The following CIAO2A variants were observed in gnomAD, a reference collection of about 807,000 sequenced individuals.
CIAO2A encodes MIP18 family protein FAM96A.
Under a neutral mutation model 22.4 loss-of-function variants are expected in CIAO2A, and 17 were observed. That is an observed-to-expected ratio of 0.76 (90% CI 0.52 to 1.14). The LOEUF is 1.14. Among genes scored for constraint, CIAO2A ranks in the 50% most tolerant of loss-of-function variants. The probability of loss-of-function intolerance (pLI) is 0.00; values close to 1 mark genes in which losing one functional copy is unlikely to be tolerated. For missense variants in CIAO2A, 192 were observed against 191.4 expected (o/e 1.00, Z -0.02); for synonymous variants, 74 against 72.3 (o/e 1.02, Z -0.12).
At chr15:64,075,310 C>A in intron 4 of CIAO2A, 182 bp downstream of exon 4, 1 of 514,218 alleles carries the variant, frequency 1.9e-6, no homozygotes, top group South Asian at 2.7e-5. Flanking sequence ...CACTCGGAGT[C>A]CACTGCAAAA....
intron 4 of CIAO2A, chr15:64,074,261 G>A (rs889963497): frequency 6.6e-6 from 1 of 152,164 alleles, no homozygotes; most frequent in Non-Finnish European, 1.5e-5. Flanking sequence ...GTCTCATGTA[G>A]AAGACACACA....
intron 2 of CIAO2A, among the ~76,000 whole-genome samples, chr15:64,086,026 T>G (rs893562677): frequency 6.6e-6 from 1 of 151,862 alleles, no homozygotes; most frequent in Non-Finnish European, 1.5e-5. Context: ...TCATAATAGC[T>G]GGTTTTTTTC....
At chr15:64,088,873 G>T in intron 1 of CIAO2A, 22 bp from the exon 2 acceptor site, 3 of 1,591,846 alleles carry the variant, frequency 1.9e-6, no homozygotes, top group Non-Finnish European at 2.6e-6. Flanking sequence ...TCAGAGATAA[G>T]ATATTCTATT....
chr15:64,077,088 G>A lies in CIAO2A; in HGVS notation c.340-1551C>T, dbSNP rs1330533041. ...AGCAATTTGGGAGGCCGAGGCAGGCGGATCACGAGGTCAGGAGATCGAGAC... is the reference window on the plus strand; with the variant it reads ...AGCAATTTGGGAGGCCGAGGCAGGCAGATCACGAGGTCAGGAGATCGAGAC... On this transcript the variant is annotated intron_variant, in intron 3 of 4. Coordinates refer to ENST00000300030, the MANE Select transcript of CIAO2A (RefSeq NM_032231.7). Among the ~76,000 whole-genome samples, 4 of 152,214 alleles carry A rather than the reference G, an allele frequency of 2.6e-5. No individual in the cohort carries two copies. In the East Asian group the frequency reaches 5.8e-4, roughly 22 times the overall value.
At position 64,088,788 on chromosome 15, in the gene CIAO2A, G is replaced by A. The variant is rs778174210; in HGVS notation, c.188C>T (p.Ser63Leu). ...PNTLEELEVV[S>L]ESCVEVQEIN... ...CTCCTGAACTTCCACACAACTTTCC[G>A]AGACCACTTCCAGTTCTTCTAAAGT... The change falls in exon 2 of 5, where the codon TCG becomes TTG. Residue 63 changes from serine (S) to leucine (L), a missense_variant. Transcript: ENST00000300030. The A allele has an allele frequency of 6.2e-6, 10 of 1,613,912 alleles. No individual in the cohort carries two copies. Among genetic ancestry groups the A allele is most frequent in the Admixed American group, 5.0e-5 (3 of 59,984 alleles).
At chr15:64,087,816 C>T (rs1459649323) in intron 2 of CIAO2A, among the ~76,000 whole-genome samples, 2 of 152,170 alleles carry the variant, frequency 1.3e-5, no homozygotes, top group African/African-American at 2.4e-5. Context: ...GCCCAGCTCC[C>T]ACCACCACTA....
chr15:64,079,067 G>A (rs538483371), intron 3 of CIAO2A, among the ~76,000 whole-genome samples: 26 of 150,912 alleles, frequency 1.7e-4, no homozygotes, highest in Non-Finnish European at 3.4e-4. Context: ...AAAGAGCCAC[G>A]GCAATTCAAA....
At chr15:64,088,268 C>T (rs751610721) in intron 2 of CIAO2A, among the ~76,000 whole-genome samples, 1 of 152,150 alleles carries the variant, frequency 6.6e-6, no homozygotes, top group Non-Finnish European at 1.5e-5. Flanking sequence ...AGTCTGACAC[C>T]ACCCACTCCA....
intron 3 of CIAO2A, among the ~76,000 whole-genome samples, chr15:64,080,712 C>T (rs75354348): frequency 0.01 from 1,538 of 151,896 alleles, 14 homozygotes; most frequent in Middle Eastern, 0.034. Context: ...TCACTTCACA[C>T]CCACTAGAAT....
chr15:64,092,487 T>C (rs2140118832), intron 1 of CIAO2A, among the ~76,000 whole-genome samples: 1 of 152,338 alleles, frequency 6.6e-6, no homozygotes, highest in Non-Finnish European at 1.5e-5. Context: ...TTCTATTACA[T>C]ACTCTATTTT....
chr15:64,072,771 T>G lies in CIAO2A; in HGVS notation c.*160A>C. ...TGAGAATGTTATACATTGAACAAAT[T>G]AGGTACTACCTTATAATTAAATCTC... On this transcript the variant is annotated 3_prime_UTR_variant, in exon 5 of 5. Coordinates refer to ENST00000300030, the MANE Select transcript of CIAO2A (RefSeq NM_032231.7). The G allele has an allele frequency of 2.1e-6, 1 of 486,922 alleles. No individual in the cohort carries two copies. The allele number at this position is 486,922 out of a possible 1,614,324, so 30.2% of individuals were successfully genotyped here.
intron 2 of CIAO2A, among the ~76,000 whole-genome samples, chr15:64,081,390 A>C (rs1427836740): frequency 1.3e-5 from 2 of 152,128 alleles, no homozygotes; most frequent in African/African-American, 4.8e-5. Context: ...CAAATTATTA[A>C]ACCAAAGTCA....
chr15:64,074,595 T>C (rs560186646), intron 4 of CIAO2A: 2 of 152,318 alleles, frequency 1.3e-5, no homozygotes, highest in African/African-American at 4.8e-5. Flanking sequence ...ATAATCTACA[T>C]GTCTAGAACT....
At chr15:64,093,392 G>A (rs138691711) in intron 1 of CIAO2A, among the ~76,000 whole-genome samples, 220 of 152,212 alleles carry the variant, frequency 1.4e-3, no homozygotes, top group Admixed American at 3.7e-3. Flanking sequence ...AAGCTTTTAA[G>A]ACCTCTGGGT....
In CIAO2A at chr15:64,072,992, G is replaced by A. The variant is rs578112615; in HGVS notation, c.422C>T (p.Ala141Val). The change falls in exon 5 of 5, where the codon GCT becomes GTT. Residue 141 changes from alanine (A) to valine (V), a missense_variant. Physicochemically the swap from Ala to Val is moderately conservative, Grantham distance 64. Coordinates refer to ENST00000300030, the MANE Select transcript of CIAO2A (RefSeq NM_032231.7). ...KQINDKERVA[A>V]AMENPNLREI... is the part of the protein sequence containing the mutation. ...CCGTAAGTTGGGGTTTTCCATTGCAGCTGCCACTCGCTCTTTGTCATTTAT... is the reference window on the plus strand; with the variant it reads ...CCGTAAGTTGGGGTTTTCCATTGCAACTGCCACTCGCTCTTTGTCATTTAT... The A allele has an allele frequency of 3.7e-6, 6 of 1,613,790 alleles. No individual in the cohort carries two copies. The highest frequency in any genetic ancestry group is 5.1e-6 in the Non-Finnish European group (6 of 1,179,826).
At chr15:64,086,614 ATTTT>A (rs35461939) in intron 2 of CIAO2A, among the ~76,000 whole-genome samples, 9 of 142,102 alleles carry the variant, frequency 6.3e-5, no homozygotes, top group Non-Finnish European at 9.2e-5. Context: ...TAGCAATGGG[ATTTT>A]TTTTTTTTTT....
intron 1 of CIAO2A, among the ~76,000 whole-genome samples, chr15:64,092,585 A>T (rs902236095): frequency 3.9e-5 from 6 of 152,156 alleles, no homozygotes; most frequent in African/African-American, 1.4e-4. Context: ...CCATCCCTAG[A>T]TTATGTGGAC....
intron 2 of CIAO2A, 80 bp from the exon 3 acceptor site, chr15:64,081,231 T>C: frequency 7.4e-7 from 1 of 1,352,712 alleles, no homozygotes; most frequent in Non-Finnish European, 1.0e-6. Flanking sequence ...ACTGCGTTTA[T>C]GTGCCCCCAT....
At chr15:64,091,382 G>A (rs1189028305) in intron 1 of CIAO2A, among the ~76,000 whole-genome samples, 2 of 151,916 alleles carry the variant, frequency 1.3e-5, no homozygotes, top group Non-Finnish European at 2.9e-5. Context: ...CTACTCAGGA[G>A]GCTGAGGTAG....
Sources: gnomAD v4.1 joint callset for allele counts (sites outside exome capture counted in the v4.1 genomes callset) on GRCh38, gnomAD v4.1.1 for gene constraint, MANE v1.5 for transcripts, NCBI Gene and HGNC (gene_info 2026-07-23, HGNC 2026-07-21) for gene names.